The following PCCA variants were observed in gnomAD, a reference collection of about 807,000 sequenced individuals.
PCCA encodes the protein propionyl-CoA carboxylase subunit alpha, also known as propionyl-CoA carboxylase alpha chain, mitochondrial.
In PCCA, 74 loss-of-function variants were observed where a neutral mutation model predicts 101.3. That is an observed-to-expected ratio of 0.73 (90% CI 0.61 to 0.89). PCCA has a LOEUF of 0.89. Among genes scored for constraint, PCCA ranks in the 40% least tolerant of loss-of-function variants. The probability of loss-of-function intolerance (pLI) is 0.00; values close to 1 mark genes in which losing one functional copy is unlikely to be tolerated. For missense variants in PCCA, 891 were observed against 907.0 expected, an observed-to-expected ratio of 0.98 and a Z score of 0.23; for synonymous variants, 294 against 313.6, an observed-to-expected ratio of 0.94 and a Z score of 0.66.
chr13:100,428,483 G>A (rs2079325300), intron 20 of PCCA, among the ~76,000 whole-genome samples: 1 of 151,916 alleles, frequency 6.6e-6, no homozygotes, highest in South Asian at 2.1e-4. Context: ...ACAAAGCTAG[G>A]AAGAAGCAGA....
intron 7 of PCCA, among the ~76,000 whole-genome samples, chr13:100,229,124 G>C (rs1431479504): frequency 6.6e-6 from 1 of 151,362 alleles, no homozygotes; most frequent in African/African-American, 2.4e-5. Flanking sequence ...TTATGGAGTA[G>C]AACTATATTT....
intron 4 of PCCA, among the ~76,000 whole-genome samples, chr13:100,140,409 A>AATAG (rs1331270389): frequency 6.6e-6 from 1 of 152,164 alleles, no homozygotes. Context: ...GGCAAAAAAG[A>AATAG]ATAGAGCAAA....
intron 20 of PCCA, among the ~76,000 whole-genome samples, chr13:100,433,573 G>A (rs2146653): frequency 0.055 from 8,379 of 151,750 alleles, 327 homozygotes; most frequent in Admixed American, 0.083. Context: ...CATTCTAACA[G>A]TCTGTAATGT....
At chr13:100,440,210 A>ATATATATATATAT (rs2080266067) in intron 20 of PCCA, among the ~76,000 whole-genome samples, 2 of 120,386 alleles carry the variant, frequency 1.7e-5, no homozygotes, top group African/African-American at 3.4e-5. Context: ...ATATATATAT[A>ATATATATATATAT]AAACGTGATA....
At chr13:100,193,051 G>A (rs776253371) in intron 6 of PCCA, among the ~76,000 whole-genome samples, 1 of 152,200 alleles carries the variant, frequency 6.6e-6, no homozygotes, top group Non-Finnish European at 1.5e-5. Context: ...AGTAATAGAT[G>A]TGTTCAAGGC....
chr13:100,507,097 TATA>T (rs984737528), intron 21 of PCCA, among the ~76,000 whole-genome samples: 1 of 152,214 alleles, frequency 6.6e-6, no homozygotes, highest in African/African-American at 2.4e-5. Context: ...TTCAAAGATC[TATA>T]ATATTTTTCT....
rs1224457663 is a variant in PCCA at position 100,089,139 on chromosome 13, G to C, written c.19G>C (p.Gly7Arg). 4.3e-5 allele frequency: 65 copies of C among 1,511,550 alleles called. 1 individual carries two copies. The East Asian group carries it at 1.4e-3, about 33-fold the overall frequency. 93.6% of individuals were successfully genotyped at this position (1,511,550 alleles called of 1,614,324 possible). The change falls in exon 1 of 24, where the codon GGG becomes CGG. Residue 7 changes from glycine (G) to arginine (R), a missense_variant. Gly to Arg is a moderately radical substitution (Grantham distance 125). Coordinates refer to ENST00000376285, the MANE Select transcript of PCCA (RefSeq NM_000282.4). ...GACAACAATGGCGGGGTTCTGGGTC[G>C]GGACAGCACCGCTGGTCGCTGCCGG... MAGFWV[G>R]TAPLVAAGRR...
At chr13:100,524,646 C>T (rs919499765) in intron 22 of PCCA, among the ~76,000 whole-genome samples, 19 of 152,054 alleles carry the variant, frequency 1.2e-4, no homozygotes, top group African/African-American at 3.6e-4. Flanking sequence ...CCAAGGTGGG[C>T]GGATCACTTG....
At chr13:100,501,442 C>T (rs1397563981) in intron 21 of PCCA, among the ~76,000 whole-genome samples, 2 of 152,222 alleles carry the variant, frequency 1.3e-5, no homozygotes, top group African/African-American at 2.4e-5. Flanking sequence ...TCAGCTGAGT[C>T]TAGGAGAAGA....
rs2056538915 is a variant in PCCA, at chr13:100,179,094, AT to A, written c.468+21755del. Among the ~76,000 whole-genome samples the A allele has an allele frequency of 2.6e-3, 211 of 81,546 alleles. 3 individuals carry two copies. The highest frequency in any genetic ancestry group is 0.015 in the East Asian group (32 of 2,118). The allele number at this position is 81,546 out of a possible 152,430, so 53.5% of individuals were successfully genotyped here. ...TCCTTCTCAAAAAAAAAAAAAAAAT[AT>A]ATATATATATATATTTGTGCTTGTT... On this transcript the variant is annotated intron_variant, in intron 6 of 23. Transcript: ENST00000376285.
intron 14 of PCCA, among the ~76,000 whole-genome samples, chr13:100,303,361 T>A (rs1217215393): frequency 6.6e-6 from 1 of 152,170 alleles, no homozygotes; most frequent in Admixed American, 6.5e-5. Flanking sequence ...TATAGTCACT[T>A]GTCAAGAAAT....
At chr13:100,195,158 A>G (rs1470765185) in intron 6 of PCCA, among the ~76,000 whole-genome samples, 1 of 152,160 alleles carries the variant, frequency 6.6e-6, no homozygotes, top group Non-Finnish European at 1.5e-5. Flanking sequence ...GTATAGAGGA[A>G]AGAAATTACA....
intron 6 of PCCA, among the ~76,000 whole-genome samples, chr13:100,194,394 C>T (rs192426577): frequency 6.0e-4 from 91 of 152,114 alleles, no homozygotes; most frequent in African/African-American, 2.0e-3. Flanking sequence ...TATACAAAGC[C>T]AATTAAAAAG....
At chr13:100,243,341 A>G (rs2061258616) in intron 8 of PCCA, among the ~76,000 whole-genome samples, 1 of 152,246 alleles carries the variant, frequency 6.6e-6, no homozygotes, top group Non-Finnish European at 1.5e-5. Flanking sequence ...ATAGAAATGA[A>G]TTAAGCAATC....
chr13:100,352,567 A>T lies in PCCA; in HGVS notation c.1643+12308A>T, dbSNP rs114917372. Among the ~76,000 whole-genome samples, 607 of 151,402 alleles carry T rather than the reference A, an allele frequency of 4.0e-3. 5 individuals are homozygous for T. Among genetic ancestry groups the T allele is most frequent in the African/African-American group, 0.014 (561 of 41,220 alleles). ...TGCCCTAACATTTGGCTATATATAT[A>T]TTTTTAAATAGAGATGAGGTCTTGC... On this transcript the variant is annotated intron_variant, in intron 18 of 23. Transcript: ENST00000376285.
intron 7 of PCCA, among the ~76,000 whole-genome samples, chr13:100,223,384 T>C (rs2059937119): frequency 6.6e-6 from 1 of 152,080 alleles, no homozygotes; most frequent in East Asian, 1.9e-4. Context: ...GGGTTCGTGG[T>C]CTTGCTGGCT....
chr13:100,205,516 G>T (rs6491553), intron 6 of PCCA, among the ~76,000 whole-genome samples: 253 of 141,094 alleles, frequency 1.8e-3, no homozygotes, highest in African/African-American at 5.5e-3. Flanking sequence ...ACAAAAAATA[G>T]TCACTAAATA....
chr13:100,504,859 G>C (rs2085943107), intron 21 of PCCA, among the ~76,000 whole-genome samples: 1 of 152,154 alleles, frequency 6.6e-6, no homozygotes, highest in South Asian at 2.1e-4. Context: ...CTTGAACCTG[G>C]GAGGCGGAGG....
Position 100,175,676 on chromosome 13 carries a change from G to T in PCCA, c.468+18336G>T, listed in dbSNP as rs551723866. The stretch of plus-strand genomic sequence containing the variant: ...TTCAAGAGTTGTTTCTAAGCCTGAT[G>T]AATATATATTGGGAATAAACAGAGT... On this transcript the variant is annotated intron_variant, in intron 6 of 23. Transcript: ENST00000376285. Among the ~76,000 whole-genome samples the T allele has an allele frequency of 4.6e-5, 7 of 152,312 alleles. No homozygotes were observed. In the East Asian group the frequency reaches 1.4e-3, roughly 29 times the overall value.
Sources: allele counts gnomAD v4.1 joint callset (sites outside exome capture counted in the v4.1 genomes callset), GRCh38; gene constraint gnomAD v4.1.1; transcripts MANE v1.5; gene names NCBI Gene and HGNC (gene_info 2026-07-23, HGNC 2026-07-21).